ADAMTSL3: variants seen among roughly 807,000 people sequenced by gnomAD.
The protein encoded by ADAMTSL3 is ADAMTS-like protein 3.
Under a neutral mutation model 201.7 loss-of-function variants are expected in ADAMTSL3, and 128 were observed. The ratio of observed to expected loss-of-function variants is 0.63; its 90% CI spans 0.55 to 0.73. The LOEUF is 0.73. Ranked by LOEUF, ADAMTSL3 falls within the 30% of genes least tolerant of loss-of-function variation. The pLI, the probability that ADAMTSL3 is intolerant of heterozygous loss-of-function variation, is 0.00. For missense variants in ADAMTSL3, 1,990 were observed against 2,119.6 expected, an observed-to-expected ratio of 0.94 and a Z score of 1.20; for synonymous variants, 738 against 748.4, an observed-to-expected ratio of 0.99 and a Z score of 0.23.
In ADAMTSL3 at chr15:83,819,988, C is replaced by T. The variant is rs61741941; in HGVS notation, c.541C>T (p.Leu181=). The T allele has an allele frequency of 6.5e-4, 1,046 of 1,614,112 alleles. 8 individuals are homozygous for T. In the African/African-American group the frequency reaches 0.012, roughly 19 times the overall value. Residue 181 remains leucine, a synonymous_variant, in exon 6 of 30, where the codon CTG becomes TTG. Coordinates refer to ENST00000286744, the MANE Select transcript of ADAMTSL3 (RefSeq NM_207517.3). ...GGTGGTGGAGCTGGCACCTAAGGTA[C>T]TGGATGGAACTCGTTGCAACACGGA... ...NLVVELAPKV[L]DGTRCNTDSL...
rs898532315 is a variant in ADAMTSL3, at chr15:83,988,702, A to T, written c.3728A>T (p.Asp1243Val). Residue 1243 changes from aspartate (D) to valine (V), a missense_variant, in exon 22 of 30, where the codon GAT becomes GTT. Asp to Val is a radical substitution (Grantham distance 152, BLOSUM62 -3). Transcript: ENST00000286744. ...TAACTGTTCTACAGAATAATTTTGG[A>T]TGGAACTGGGAAGATACAGATACAG... The part of the protein sequence containing the change: ...LLQPSVKIIL[D>V]GTGKIQIQNP... 6.9e-6 allele frequency: 11 copies of T among 1,599,050 alleles called. No homozygotes were observed. The highest frequency in any genetic ancestry group is 1.7e-4 in the Middle Eastern group (1 of 6,018).
chr15:83,915,921 T>TTAG (rs2066025366), intron 16 of ADAMTSL3, among the ~76,000 whole-genome samples: 1 of 152,222 alleles, frequency 6.6e-6, no homozygotes, highest in Non-Finnish European at 1.5e-5. Context: ...GTTTGCATGT[T>TTAG]TAGGGTATTG....
chr15:83,748,790 T>C (rs1019163955), intron 3 of ADAMTSL3, among the ~76,000 whole-genome samples: 1 of 152,098 alleles, frequency 6.6e-6, no homozygotes, highest in Non-Finnish European at 1.5e-5. Flanking sequence ...TTCATATTAA[T>C]GTAAAATAAG....
Position 83,808,923 on chromosome 15 carries a change from A to C in ADAMTSL3, c.363+4228A>C, listed in dbSNP as rs544903719. ...CATTCATACGTGGAATCCAAAAAAAAAAAAAAAACAACTTGATATCTTAAA... is the reference window on the plus strand; with the variant it reads ...CATTCATACGTGGAATCCAAAAAAACAAAAAAAACAACTTGATATCTTAAA... On this transcript the variant is annotated intron_variant, in intron 5 of 29. Transcript: ENST00000286744. Among the ~76,000 whole-genome samples the C allele has an allele frequency of 9.4e-4, 143 of 152,116 alleles. 1 individual carries two copies. Among genetic ancestry groups the C allele is most frequent in the African/African-American group, 2.6e-3 (108 of 41,480 alleles).
chr15:83,876,339 A>G (rs982511223), intron 9 of ADAMTSL3, among the ~76,000 whole-genome samples: 2 of 151,846 alleles, frequency 1.3e-5, no homozygotes, highest in Non-Finnish European at 2.9e-5. Context: ...TTACATTTCT[A>G]TTTATATAAA....
intron 3 of ADAMTSL3, among the ~76,000 whole-genome samples, chr15:83,743,913 T>C (rs1228200401): frequency 1.3e-5 from 2 of 151,764 alleles, no homozygotes; most frequent in Non-Finnish European, 2.9e-5. Flanking sequence ...TGCAGTGGTG[T>C]GATCTCGGTT....
At chr15:83,889,958 C>A in intron 10 of ADAMTSL3, 151 bp from the exon 11 acceptor site, 1 of 702,394 alleles carries the variant, frequency 1.4e-6, no homozygotes, top group Non-Finnish European at 2.3e-6. Context: ...ATATTAAAAG[C>A]TCCCATGTGG....
intron 23 of ADAMTSL3, among the ~76,000 whole-genome samples, chr15:84,012,470 G>A (rs754862410): frequency 3.9e-5 from 6 of 152,252 alleles, no homozygotes; most frequent in Non-Finnish European, 7.3e-5. Context: ...TAGCAATGGT[G>A]GGTTAGGTTG....
chr15:83,990,961 T>G (rs116756976), intron 22 of ADAMTSL3, 125 bp from the exon 23 acceptor site: 2 of 1,386,558 alleles, frequency 1.4e-6, no homozygotes, highest in African/African-American at 2.9e-5. Flanking sequence ...CCTTGAGGGA[T>G]ACAGAGAGAA....
intron 2 of ADAMTSL3, among the ~76,000 whole-genome samples, chr15:83,683,733 G>A (rs962274210): frequency 2.0e-5 from 3 of 152,100 alleles, no homozygotes; most frequent in Non-Finnish European, 2.9e-5. Flanking sequence ...TGTACCCGGC[G>A]CCTCCTTCAC....
chr15:84,015,426 AGGGAG>A (rs1485018833), intron 24 of ADAMTSL3, among the ~76,000 whole-genome samples: 1 of 152,224 alleles, frequency 6.6e-6, no homozygotes, highest in Non-Finnish European at 1.5e-5. Flanking sequence ...GTGCCAATGC[AGGGAG>A]TTGGAATAGC....
chr15:83,820,915 A>T (rs1334750130), intron 6 of ADAMTSL3, among the ~76,000 whole-genome samples: 3 of 152,090 alleles, frequency 2.0e-5, no homozygotes, highest in Non-Finnish European at 2.9e-5. Flanking sequence ...CTCCACTAAA[A>T]ATACAAAAAT....
chr15:83,983,500 C>T (rs1163541734), intron 21 of ADAMTSL3, among the ~76,000 whole-genome samples, 156 bp downstream of exon 21: 1 of 152,144 alleles, frequency 6.6e-6, no homozygotes, highest in Non-Finnish European at 1.5e-5. Context: ...GTGTTTTTCA[C>T]ATATACGTTG....
chr15:83,943,231 C>G (rs573235960), intron 19 of ADAMTSL3, 149 bp downstream of exon 19: 1 of 889,550 alleles, frequency 1.1e-6, no homozygotes, highest in Non-Finnish European at 1.6e-6. Flanking sequence ...CACTCACTCT[C>G]GGGTTTGTGC....
intron 17 of ADAMTSL3, among the ~76,000 whole-genome samples, chr15:83,925,487 C>T (rs1224983838): frequency 6.6e-6 from 1 of 152,092 alleles, no homozygotes; most frequent in Non-Finnish European, 1.5e-5. Flanking sequence ...TTCCCTGCCA[C>T]CTCCCACTCC....
rs746087824 is a variant in ADAMTSL3, at chr15:83,858,819, G to C, written c.781G>C (p.Val261Leu). 4.3e-6 allele frequency: 7 copies of C among 1,613,356 alleles called. No individual in the cohort carries two copies. Among genetic ancestry groups the C allele is most frequent in the Non-Finnish European group, 4.2e-6 (5 of 1,179,540 alleles). ...GGGAAGTCGAAGTGTGAGAATTACA[G>C]TGAAAGGACCTGCCCACCTCTGTAA... ...PLGSRSVRIT[V>L]KGPAHLFIES... The change falls in exon 8 of 30, where the codon GTG becomes CTG. Residue 261 changes from valine (V) to leucine (L), a missense_variant. Physicochemically the swap from Val to Leu is conservative, Grantham distance 32 (BLOSUM62 1). Coordinates refer to ENST00000286744, the MANE Select transcript of ADAMTSL3 (RefSeq NM_207517.3).
chr15:83,967,772 A>G (rs547697161), intron 19 of ADAMTSL3, among the ~76,000 whole-genome samples: 1 of 152,334 alleles, frequency 6.6e-6, no homozygotes, highest in South Asian at 2.1e-4. Flanking sequence ...ATGCTACCTG[A>G]CTTCAAACTA....
At chr15:83,923,702 G>A (rs926693902) in intron 16 of ADAMTSL3, among the ~76,000 whole-genome samples, 17 of 152,188 alleles carry the variant, frequency 1.1e-4, no homozygotes, top group African/African-American at 3.9e-4. Flanking sequence ...TTTAAAAGGT[G>A]AATAAGGGAA....
At chr15:83,998,657 C>G (rs976642556) in intron 23 of ADAMTSL3, among the ~76,000 whole-genome samples, 1 of 152,144 alleles carries the variant, frequency 6.6e-6, no homozygotes. Context: ...TTGTTCATGT[C>G]CTCATGGCCT....
Sources: gnomAD v4.1 joint callset for allele counts (sites outside exome capture counted in the v4.1 genomes callset) on GRCh38, gnomAD v4.1.1 for gene constraint, MANE v1.5 for transcripts, NCBI Gene and HGNC (gene_info 2026-07-23, HGNC 2026-07-21) for gene names.